The following PRKN variants were observed in gnomAD, a reference collection of about 807,000 sequenced individuals.
PRKN encodes parkin RBR E3 ubiquitin protein ligase, also known as E3 ubiquitin-protein ligase parkin.
A neutral mutation model predicts 59.5 loss-of-function variants in PRKN; 56 were observed. That is an observed-to-expected ratio of 0.94 (90% CI 0.76 to 1.18). PRKN has a LOEUF of 1.18. Ranked by LOEUF, PRKN falls within the 50% of genes most tolerant of loss-of-function variation. The pLI, the probability that PRKN is intolerant of heterozygous loss-of-function variation, is 0.00. For synonymous variants in PRKN, 250 were observed against 222.1 expected (o/e 1.13, Z -1.12); for missense variants, 657 against 596.4 (o/e 1.10, Z -1.06).
intron 7 of PRKN, among the ~76,000 whole-genome samples, chr6:161,668,462 T>C (rs1784798814): frequency 6.6e-6 from 1 of 152,126 alleles, no homozygotes; most frequent in African/African-American, 2.4e-5. Context: ...GAAAAACCCA[T>C]CTATGGATTC....
chr6:162,211,980 T>G (rs1785218079), intron 3 of PRKN, among the ~76,000 whole-genome samples: 1 of 152,174 alleles, frequency 6.6e-6, no homozygotes, highest in Admixed American at 6.5e-5. Flanking sequence ...ATAGATTATT[T>G]TTTTCCTTTA....
chr6:161,661,010 G>A (rs973051693), intron 7 of PRKN, among the ~76,000 whole-genome samples: 14 of 152,040 alleles, frequency 9.2e-5, no homozygotes, highest in Admixed American at 8.5e-4. Flanking sequence ...CATACCTCTC[G>A]TATGTGCAGA....
chr6:161,696,344 C>T (rs897637399), intron 7 of PRKN, among the ~76,000 whole-genome samples: 3 of 152,162 alleles, frequency 2.0e-5, no homozygotes, highest in African/African-American at 7.2e-5. Context: ...CTCTGCTGAA[C>T]TAAAATCTGC....
chr6:161,875,058 T>TAC (rs1286840989), intron 6 of PRKN, among the ~76,000 whole-genome samples: 8 of 121,174 alleles, frequency 6.6e-5, no homozygotes, highest in Middle Eastern at 3.9e-3. Flanking sequence ...ATATATAAAG[T>TAC]ATATACATTA....
intron 6 of PRKN, among the ~76,000 whole-genome samples, chr6:161,931,753 T>G (rs1779177539): frequency 6.6e-6 from 1 of 152,216 alleles, no homozygotes; most frequent in South Asian, 2.1e-4. Flanking sequence ...TTATAAGTAT[T>G]GATGATGAAG....
intron 4 of PRKN, among the ~76,000 whole-genome samples, chr6:162,153,256 A>G (rs994958322): frequency 1.3e-5 from 2 of 152,198 alleles, no homozygotes; most frequent in African/African-American, 4.8e-5. Flanking sequence ...ACAAACTCCA[A>G]TTACTCACTT....
intron 6 of PRKN, among the ~76,000 whole-genome samples, chr6:161,850,362 G>C (rs779496441): frequency 6.6e-6 from 1 of 152,000 alleles, no homozygotes; most frequent in Non-Finnish European, 1.5e-5. Context: ...CGTGGATCAC[G>C]AGGTCAAGAG....
At chr6:161,653,874 G>A (rs944606327) in intron 7 of PRKN, among the ~76,000 whole-genome samples, 1 of 152,166 alleles carries the variant, frequency 6.6e-6, no homozygotes, top group Non-Finnish European at 1.5e-5. Context: ...TTGTAAACTG[G>A]CCGGCCAGCC....
At chr6:162,235,623 T>G (rs901466886) in intron 3 of PRKN, among the ~76,000 whole-genome samples, 15 of 152,048 alleles carry the variant, frequency 9.9e-5, no homozygotes, top group Admixed American at 7.2e-4. Flanking sequence ...CTGGCCAACA[T>G]GGCGAAACCC....
intron 1 of PRKN, among the ~76,000 whole-genome samples, chr6:162,582,998 G>A (rs1252996076): frequency 6.6e-6 from 1 of 152,140 alleles, no homozygotes; most frequent in Non-Finnish European, 1.5e-5. Context: ...GAGGAGATAG[G>A]GCGATAATCC....
chr6:161,467,012 C>A lies in PRKN; in HGVS notation c.1084-80135G>T, dbSNP rs1454961891. ...ATTCGCGTCCTTATATACAAGCCAA[C>A]TTCTCTCTGCAGAATGTTCTACATC... On this transcript the variant is annotated intron_variant, in intron 9 of 11. Coordinates refer to ENST00000366898, the MANE Select transcript of PRKN (RefSeq NM_004562.3). The surrounding 1 kb of genome is among the most constrained non-coding windows in gnomAD (Gnocchi z 4.3). 6.6e-6 allele frequency among the ~76,000 whole-genome samples: 1 copy of A among 152,212 alleles called. No individual in the cohort carries two copies. Among genetic ancestry groups the A allele is most frequent in the Non-Finnish European group, 1.5e-5 (1 of 68,036 alleles).
chr6:162,639,253 G>A (rs925187731), intron 1 of PRKN, among the ~76,000 whole-genome samples: 4 of 151,980 alleles, frequency 2.6e-5, no homozygotes, highest in Admixed American at 1.3e-4. Context: ...AGTTGCTCAG[G>A]CCTGTTAAAG....
intron 1 of PRKN, among the ~76,000 whole-genome samples, chr6:162,618,869 A>G (rs2803046): frequency 0.61 from 93,122 of 151,988 alleles, 29,254 homozygotes; most frequent in African/African-American, 0.75. Flanking sequence ...TCCGAAATGC[A>G]TTCGCAGTAA....
intron 1 of PRKN, among the ~76,000 whole-genome samples, chr6:162,696,233 A>C (rs1250500362): frequency 6.6e-6 from 1 of 152,226 alleles, no homozygotes; most frequent in Non-Finnish European, 1.5e-5. Flanking sequence ...AAATATAATT[A>C]GAATGCTATA....
chr6:162,071,333 C>T (rs1376566700), intron 4 of PRKN, among the ~76,000 whole-genome samples: 1 of 151,570 alleles, frequency 6.6e-6, no homozygotes, highest in Non-Finnish European at 1.5e-5. Flanking sequence ...GACAATGTGG[C>T]CCATTTTGAT....
intron 6 of PRKN, among the ~76,000 whole-genome samples, chr6:161,852,895 G>T (rs1793496384): frequency 6.6e-6 from 1 of 152,118 alleles, no homozygotes. Flanking sequence ...GGGCCTCTGA[G>T]GTCAGAAACC....
chr6:162,390,396 T>TATATATATACACACACACAC (rs1180636201), intron 2 of PRKN, among the ~76,000 whole-genome samples: 1 of 84,120 alleles, frequency 1.2e-5, no homozygotes, highest in African/African-American at 4.5e-5. Flanking sequence ...TATATATATA[T>TATATATATACACACACACAC]ACACACACAC....
At chr6:162,330,157 TGTCTC>T (rs1412196553) in intron 2 of PRKN, among the ~76,000 whole-genome samples, 6 of 152,204 alleles carry the variant, frequency 3.9e-5, no homozygotes, top group Non-Finnish European at 8.8e-5. Context: ...TTGAAAAAGA[TGTCTC>T]TTCTCATATT....
chr6:161,736,851 C>T (rs1391580493), intron 7 of PRKN, among the ~76,000 whole-genome samples: 2 of 152,186 alleles, frequency 1.3e-5, no homozygotes, highest in Non-Finnish European at 2.9e-5. Context: ...AAGAAAGGTC[C>T]TGTTCTCACA....
Sources: allele counts gnomAD v4.1 joint callset (sites outside exome capture counted in the v4.1 genomes callset), GRCh38; gene constraint gnomAD v4.1.1; non-coding constraint Gnocchi (gnomAD v3.1); transcripts MANE v1.5; gene names NCBI Gene and HGNC (gene_info 2026-07-23, HGNC 2026-07-21).